CCDC178: variants seen among roughly 807,000 people sequenced by gnomAD.
CCDC178 encodes coiled-coil domain-containing protein 178.
A neutral mutation model predicts 117.4 loss-of-function variants in CCDC178; 126 were observed. The ratio of observed to expected loss-of-function variants is 1.07; its 90% CI spans 0.93 to 1.24. The LOEUF is 1.24. Ranked by LOEUF, CCDC178 falls within the 50% of genes most tolerant of loss-of-function variation. CCDC178 has a pLI of 0.00. For missense variants in CCDC178, 1,030 were observed against 986.9 expected (o/e 1.04, Z -0.59); for synonymous variants, 283 against 313.4 (o/e 0.90, Z 1.02).
chr18:33,036,213 A>G (rs1005460486), intron 21 of CCDC178, among the ~76,000 whole-genome samples: 2 of 151,946 alleles, frequency 1.3e-5, no homozygotes, highest in Middle Eastern at 3.2e-3. Flanking sequence ...AAAGATAGTA[A>G]TATGTAGTAT....
intron 20 of CCDC178, among the ~76,000 whole-genome samples, chr18:33,185,105 C>T (rs1480050378): frequency 6.6e-6 from 1 of 151,892 alleles, no homozygotes; most frequent in African/African-American, 2.4e-5. Context: ...GGGGGTGTGA[C>T]TCCTTAGCCC....
chr18:33,349,505 G>A (rs2062942595), intron 7 of CCDC178, among the ~76,000 whole-genome samples: 1 of 151,890 alleles, frequency 6.6e-6, no homozygotes, highest in African/African-American at 2.4e-5. Flanking sequence ...CTAAACTGTA[G>A]TGTCTTGAGA....
intron 21 of CCDC178, among the ~76,000 whole-genome samples, chr18:32,977,515 C>T (rs939687185): frequency 4.6e-5 from 7 of 152,202 alleles, no homozygotes; most frequent in Non-Finnish European, 7.4e-5. Flanking sequence ...TTTACTAGTT[C>T]GTTGTAATTT....
intron 20 of CCDC178, among the ~76,000 whole-genome samples, chr18:33,191,262 C>T (rs934038354): frequency 8.6e-5 from 13 of 151,972 alleles, no homozygotes; most frequent in South Asian, 2.1e-4. Context: ...TAAGGTCTCT[C>T]CAATACATAG....
At chr18:33,142,673 T>C (rs271497) in intron 20 of CCDC178, among the ~76,000 whole-genome samples, 24,385 of 152,094 alleles carry the variant, frequency 0.16, 2,715 homozygotes, top group African/African-American at 0.32. Flanking sequence ...TTCAAGCAGA[T>C]GTATCAAGAC....
intron 22 of CCDC178, chr18:32,954,402 A>G (rs949495446): frequency 6.6e-6 from 1 of 152,178 alleles, no homozygotes; most frequent in African/African-American, 2.4e-5. Flanking sequence ...ATATATCATA[A>G]AAATGCTATA....
chr18:32,945,817 T>C (rs978730466), intron 22 of CCDC178, among the ~76,000 whole-genome samples: 1 of 152,200 alleles, frequency 6.6e-6, no homozygotes, highest in South Asian at 2.1e-4. Flanking sequence ...ATATTTTTAA[T>C]GTGATATTAC....
chr18:33,392,890 TAAAAC>T (rs1268040606), intron 4 of CCDC178, among the ~76,000 whole-genome samples: 1 of 152,102 alleles, frequency 6.6e-6, no homozygotes, highest in Non-Finnish European at 1.5e-5. Context: ...TAAGTGCAAA[TAAAAC>T]AAAAATCAAC....
At chr18:33,177,853 T>C (rs1034395632) in intron 20 of CCDC178, among the ~76,000 whole-genome samples, 8 of 152,292 alleles carry the variant, frequency 5.3e-5, no homozygotes, top group East Asian at 1.9e-4. Flanking sequence ...AGAAACCATT[T>C]TTTTACTTTG....
At chr18:33,062,316 G>GA (rs1209549121) in intron 21 of CCDC178, among the ~76,000 whole-genome samples, 3 of 152,164 alleles carry the variant, frequency 2.0e-5, no homozygotes, top group African/African-American at 2.4e-5. Flanking sequence ...GAAGTCCAGA[G>GA]AAAAAAATTG....
At chr18:33,434,855 G>A (rs1304486160) in intron 2 of CCDC178, among the ~76,000 whole-genome samples, 1 of 151,988 alleles carries the variant, frequency 6.6e-6, no homozygotes, top group South Asian at 2.1e-4. Context: ...AGAAGGAAGA[G>A]GGAAAAAATA....
chr18:33,410,931 G>A (rs1011835966), intron 3 of CCDC178, among the ~76,000 whole-genome samples: 2 of 152,130 alleles, frequency 1.3e-5, no homozygotes, highest in Non-Finnish European at 2.9e-5. Flanking sequence ...TGGAATATGA[G>A]AGACAAGCAA....
At chr18:33,075,728 G>A (rs1167676769) in intron 21 of CCDC178, among the ~76,000 whole-genome samples, 1 of 152,042 alleles carries the variant, frequency 6.6e-6, no homozygotes, top group Non-Finnish European at 1.5e-5. Flanking sequence ...TAGCACTTTG[G>A]GAGGCCGAGG....
intron 5 of CCDC178, among the ~76,000 whole-genome samples, chr18:33,379,767 T>C (rs1355413935): frequency 1.3e-5 from 2 of 152,120 alleles, no homozygotes; most frequent in African/African-American, 4.8e-5. Flanking sequence ...ACAAGATCTC[T>C]GCACAAGAAA....
intron 11 of CCDC178, among the ~76,000 whole-genome samples, chr18:33,320,184 A>T (rs1599156268): frequency 6.6e-6 from 1 of 152,326 alleles, no homozygotes; most frequent in South Asian, 2.1e-4. Flanking sequence ...AACTGGCACA[A>T]GACAGGGATG....
intron 22 of CCDC178, among the ~76,000 whole-genome samples, chr18:32,973,015 G>A (rs2054960650): frequency 6.6e-6 from 1 of 151,996 alleles, no homozygotes; most frequent in East Asian, 1.9e-4. Flanking sequence ...GAGTAGTTGA[G>A]TTTCCCTACC....
At chr18:32,996,734 G>A (rs1415827498) in intron 21 of CCDC178, among the ~76,000 whole-genome samples, 2 of 151,752 alleles carry the variant, frequency 1.3e-5, no homozygotes, top group African/African-American at 4.8e-5. Context: ...CAAAATAACA[G>A]AATAAATAAT....
intron 20 of CCDC178, among the ~76,000 whole-genome samples, chr18:33,168,335 TAG>T (rs1830328122): frequency 6.6e-6 from 1 of 152,148 alleles, no homozygotes; most frequent in African/African-American, 2.4e-5. Flanking sequence ...ATTTGTTGAA[TAG>T]AGAGTCGTCT....
chr18:33,138,523 CA>C (rs758433256), intron 20 of CCDC178, among the ~76,000 whole-genome samples: 6 of 152,016 alleles, frequency 3.9e-5, no homozygotes, highest in African/African-American at 7.2e-5. Context: ...ATGAATTTAA[CA>C]GAAAAGAAAA....
Sources: gnomAD v4.1 joint callset for allele counts (sites outside exome capture counted in the v4.1 genomes callset) on GRCh38, gnomAD v4.1.1 for gene constraint, MANE v1.5 for transcripts, NCBI Gene and HGNC (gene_info 2026-07-23, HGNC 2026-07-21) for gene names.